TBC1D5: variants seen among roughly 807,000 people sequenced by gnomAD.
TBC1D5 encodes the protein TBC1 domain family, member 5.
TBC1D5 carries 75 observed loss-of-function variants against 100.3 expected under a neutral mutation model. That is an observed-to-expected ratio of 0.75 (90% CI 0.62 to 0.91). The LOEUF is 0.91. Among genes scored for constraint, TBC1D5 ranks in the 40% least tolerant of loss-of-function variants. The probability of loss-of-function intolerance (pLI) is 0.00; values close to 1 mark genes in which losing one functional copy is unlikely to be tolerated. For synonymous variants in TBC1D5, 323 were observed against 325.6 expected, an observed-to-expected ratio of 0.99 and a Z score of 0.09; for missense variants, 910 against 942.4, an observed-to-expected ratio of 0.97 and a Z score of 0.45.
At chr3:17,305,349 G>A (rs1157372655) in intron 14 of TBC1D5, among the ~76,000 whole-genome samples, 1 of 152,060 alleles carries the variant, frequency 6.6e-6, no homozygotes, top group Non-Finnish European at 1.5e-5. Flanking sequence ...CCCACCTTAG[G>A]TAATAGGACC....
At chr3:17,393,030 C>G (rs2093399408) in intron 8 of TBC1D5, among the ~76,000 whole-genome samples, 1 of 152,058 alleles carries the variant, frequency 6.6e-6, no homozygotes, top group Non-Finnish European at 1.5e-5. Flanking sequence ...TGTTTCCTGA[C>G]TTTTTAATGA....
intron 13 of TBC1D5, 71 bp downstream of exon 13, chr3:17,372,004 T>C: frequency 6.8e-7 from 1 of 1,462,164 alleles, no homozygotes. Context: ...GCCACTGCAC[T>C]CTAGCATGGG....
chr3:17,611,877 A>G (rs2061695664), intron 2 of TBC1D5, among the ~76,000 whole-genome samples: 1 of 152,240 alleles, frequency 6.6e-6, no homozygotes, highest in South Asian at 2.1e-4. Context: ...TCTACCACTG[A>G]TAGTTCTCAC....
intron 2 of TBC1D5, among the ~76,000 whole-genome samples, chr3:17,577,985 G>A (rs2096668168): frequency 6.6e-6 from 1 of 151,948 alleles, no homozygotes; most frequent in African/African-American, 2.4e-5. Context: ...GCCAGCAAGT[G>A]AATGAGAAAA....
chr3:17,741,270 G>C (rs1028350893), upstream of TBC1D5, among the ~76,000 whole-genome samples: 1 of 152,172 alleles, frequency 6.6e-6, no homozygotes, highest in African/African-American at 2.4e-5. Context: ...AGTGTTCTGT[G>C]ATACTGCAGA....
At chr3:17,516,882 C>A (rs919942310) in intron 2 of TBC1D5, among the ~76,000 whole-genome samples, 3 of 152,158 alleles carry the variant, frequency 2.0e-5, no homozygotes, top group Non-Finnish European at 4.4e-5. Flanking sequence ...CATGCTCTGG[C>A]TACCTAAGTC....
chr3:17,665,407 T>C (rs1438924913), intron 1 of TBC1D5, among the ~76,000 whole-genome samples: 1 of 152,214 alleles, frequency 6.6e-6, no homozygotes, highest in Non-Finnish European at 1.5e-5. Flanking sequence ...TTTAACATCA[T>C]TTTATTAGAT....
At chr3:17,512,337 A>G (rs1560056331) in intron 2 of TBC1D5, among the ~76,000 whole-genome samples, 1 of 152,130 alleles carries the variant, frequency 6.6e-6, no homozygotes, top group South Asian at 2.1e-4. Context: ...TTAAACAATC[A>G]CTGTAAAAGT....
chr3:17,354,640 G>A (rs1448252038), intron 13 of TBC1D5, among the ~76,000 whole-genome samples: 2 of 151,536 alleles, frequency 1.3e-5, no homozygotes, highest in Non-Finnish European at 2.9e-5. Flanking sequence ...GCCAGCTGAT[G>A]TGTTTTATTA....
At chr3:17,295,791 C>A (rs1224994006) in intron 14 of TBC1D5, among the ~76,000 whole-genome samples, 1 of 152,186 alleles carries the variant, frequency 6.6e-6, no homozygotes, top group Non-Finnish European at 1.5e-5. Flanking sequence ...TCTTGCCCGA[C>A]TCCCCAAAAA....
At chr3:17,490,461 A>C (rs1341127940) in intron 3 of TBC1D5, among the ~76,000 whole-genome samples, 3 of 152,040 alleles carry the variant, frequency 2.0e-5, no homozygotes, top group African/African-American at 7.2e-5. Flanking sequence ...GAGTTTTCAC[A>C]GTTTCATAGT....
At chr3:17,608,456 T>G (rs1369831206) in intron 2 of TBC1D5, among the ~76,000 whole-genome samples, 1 of 152,214 alleles carries the variant, frequency 6.6e-6, no homozygotes, top group Non-Finnish European at 1.5e-5. Flanking sequence ...GGCACTTTAG[T>G]AAGATAATTC....
chr3:17,241,010 A>AT (rs906902912), intron 16 of TBC1D5, among the ~76,000 whole-genome samples: 1 of 152,144 alleles, frequency 6.6e-6, no homozygotes, highest in Non-Finnish European at 1.5e-5. Context: ...TTTGTTGAAC[A>AT]TTTTTTTGTG....
intron 3 of TBC1D5, among the ~76,000 whole-genome samples, chr3:17,448,673 T>G (rs2094854701): frequency 6.6e-6 from 1 of 152,160 alleles, no homozygotes; most frequent in Admixed American, 6.5e-5. Context: ...CTTTTTCTGA[T>G]CAGTAGGTCA....
chr3:17,187,093 G>T (rs1047494308), intron 18 of TBC1D5, among the ~76,000 whole-genome samples: 3 of 152,152 alleles, frequency 2.0e-5, no homozygotes, highest in Non-Finnish European at 4.4e-5. Flanking sequence ...GTAGGAATTA[G>T]AGAAAGAAGG....
At chr3:17,223,160 A>C (rs1479286844) in intron 17 of TBC1D5, among the ~76,000 whole-genome samples, 1 of 152,180 alleles carries the variant, frequency 6.6e-6, no homozygotes, top group Admixed American at 6.5e-5. Flanking sequence ...TAAAACAAAA[A>C]TCTTCAGAAG....
chr3:17,450,092 G>A (rs1035115876), intron 3 of TBC1D5, among the ~76,000 whole-genome samples: 1 of 152,076 alleles, frequency 6.6e-6, no homozygotes, highest in Non-Finnish European at 1.5e-5. Context: ...AGGCAAACAG[G>A]GTCTGGAGAG....
intron 3 of TBC1D5, among the ~76,000 whole-genome samples, chr3:17,455,114 A>T (rs2095027800): frequency 1.3e-5 from 2 of 149,346 alleles, no homozygotes; most frequent in African/African-American, 2.4e-5. Context: ...ATATGGAACC[A>T]CAGAAGACTC....
At chr3:17,257,222 G>T (rs1039936848) in intron 16 of TBC1D5, among the ~76,000 whole-genome samples, 8 of 152,078 alleles carry the variant, frequency 5.3e-5, no homozygotes, top group African/African-American at 1.9e-4. Context: ...AGCTAAAAAG[G>T]TCTTGTATAA....
Sources: allele counts gnomAD v4.1 joint callset (sites outside exome capture counted in the v4.1 genomes callset), GRCh38; gene constraint gnomAD v4.1.1; transcripts MANE v1.5; gene names NCBI Gene and HGNC (gene_info 2026-07-23, HGNC 2026-07-21).